ATP9B: variants seen among roughly 807,000 people sequenced by gnomAD.
ATP9B encodes the protein probable phospholipid-transporting ATPase IIB.
ATP9B carries 110 observed loss-of-function variants against 146.1 expected under a neutral mutation model. That is an observed-to-expected ratio of 0.75 (90% CI 0.65 to 0.88). ATP9B has a LOEUF of 0.88. ATP9B is among the 40% of genes least tolerant of loss of function. The pLI, the probability that ATP9B is intolerant of heterozygous loss-of-function variation, is 0.00. For synonymous variants in ATP9B, 604 were observed against 569.7 expected (o/e 1.06, Z -0.86); for missense variants, 1,499 against 1,496.4 (o/e 1.00, Z -0.03).
chr18:79,344,677 C>T (rs2096876616), intron 21 of ATP9B, among the ~76,000 whole-genome samples: 1 of 152,248 alleles, frequency 6.6e-6, no homozygotes, highest in Non-Finnish European at 1.5e-5. Flanking sequence ...AGCTGGATCA[C>T]AGCGATTGTT....
intron 12 of ATP9B, among the ~76,000 whole-genome samples, chr18:79,266,115 T>C (rs1351332287): frequency 6.6e-6 from 1 of 152,114 alleles, no homozygotes; most frequent in Non-Finnish European, 1.5e-5. Flanking sequence ...TAAAGAGTGT[T>C]TTAGGTCTTC....
intron 16 of ATP9B, 103 bp downstream of exon 16, chr18:79,329,405 G>GC: frequency 7.8e-7 from 1 of 1,274,624 alleles, no homozygotes; most frequent in Non-Finnish European, 1.0e-6. Context: ...TTACTCAGGT[G>GC]CTTTATGCTG....
Position 79,347,763 on chromosome 18 carries a change from C to G in ATP9B, c.2683-7C>G. On this transcript the variant is annotated splice_region_variant and splice_polypyrimidine_tract_variant and intron_variant, in intron 23 of 29. Transcript: ENST00000426216. ...GTTTGAAAAGGCCCCGTGTGCTTTT[C>G]TCTCAGGAGGGTAAACAGGCCTCGC... is the stretch of plus-strand genomic sequence containing the variant. The G allele has an allele frequency of 1.3e-6, 2 of 1,537,004 alleles. No individual in the cohort carries two copies. Among genetic ancestry groups the G allele is most frequent in the Non-Finnish European group, 1.8e-6 (2 of 1,142,352 alleles).
chr18:79,285,598 C>G (rs1458953107), intron 13 of ATP9B, among the ~76,000 whole-genome samples: 5 of 151,288 alleles, frequency 3.3e-5, no homozygotes, highest in Non-Finnish European at 5.9e-5. Context: ...GTTTCTTTTG[C>G]TCTGCAGAAG....
chr18:79,341,799 G>A (rs1600189499), intron 19 of ATP9B, among the ~76,000 whole-genome samples: 2 of 151,272 alleles, frequency 1.3e-5, no homozygotes, highest in African/African-American at 4.9e-5. Flanking sequence ...GTTGTGGTTG[G>A]ATGTGTGTAG....
At position 79,193,238 on chromosome 18, in the gene ATP9B, A is replaced by G. The variant is rs1448525105; in HGVS notation, c.929A>G (p.His310Arg). The G allele has an allele frequency of 6.2e-7, 1 of 1,611,380 alleles. No homozygotes were observed. Among genetic ancestry groups the G allele is most frequent in the Non-Finnish European group, 8.5e-7 (1 of 1,177,778 alleles). Residue 310 changes from histidine (H) to arginine (R), a missense_variant, in exon 9 of 30, where the codon CAC becomes CGC. Coordinates refer to ENST00000426216, the MANE Select transcript of ATP9B (RefSeq NM_198531.5). ...VYAQKPQMDI[H>R]SFEGTFTRED... The stretch of plus-strand genomic sequence containing the variant: ...GCTCAGAAACCACAAATGGACATTC[A>G]CAGTTTCGAAGGCACATTTACCAGG...
intron 4 of ATP9B, among the ~76,000 whole-genome samples, chr18:79,123,442 CTT>C (rs2094224564): frequency 1.3e-5 from 2 of 151,208 alleles, no homozygotes; most frequent in Admixed American, 1.3e-4. Flanking sequence ...AGTTGAAAGA[CTT>C]AATATTGTTA....
Position 79,376,214 on chromosome 18 carries a change from C to CACACACACACACACACAA in ATP9B, c.3307+789_3307+790insCACACACACACACACAAA. The CACACACACACACACACAA allele has an allele frequency of 1.1e-3, 933 of 883,336 alleles. 13 individuals carry two copies. The highest frequency in any genetic ancestry group is 0.01 in the Admixed American group (127 of 12,562). 54.7% of individuals were successfully genotyped at this position (883,336 alleles called of 1,614,324 possible). On this transcript the variant is annotated intron_variant, in intron 29 of 29. Coordinates refer to ENST00000426216, the MANE Select transcript of ATP9B (RefSeq NM_198531.5). ...ACACACACACACACACACACACACA[C>CACACACACACACACACAA]AAAACAAAACAAAAAAATGGCTAGC...
chr18:79,157,403 A>C (rs2094805226), intron 7 of ATP9B, among the ~76,000 whole-genome samples: 1 of 145,540 alleles, frequency 6.9e-6, no homozygotes. Flanking sequence ...TCTCAAAAAA[A>C]AAAAAAAAAA....
At position 79,277,102 on chromosome 18, in the gene ATP9B, G is replaced by A; in HGVS notation, c.1317G>A (p.Met439Ile). ...GCAAAGCGGTGTATGGATGGATGAT[G>A]ATGAAAGATGAGAACATCCCTGGCA... is the stretch of plus-strand genomic sequence containing the variant. ...DMGKAVYGWM[M>I]MKDENIPGTV... Residue 439 changes from methionine (M) to isoleucine (I), a missense_variant, in exon 13 of 30, where the codon ATG becomes ATA. Transcript: ENST00000426216. 6.2e-7 allele frequency: 1 copy of A among 1,614,212 alleles called. No homozygotes were observed. The highest frequency in any genetic ancestry group is 1.3e-5 in the African/African-American group (1 of 75,058).
rs1280019418 is a variant in ATP9B at position 79,116,951 on chromosome 18, AAAAAAG to A, written c.558+3601_558+3606del. ...AAAAAAAAAAAAATTAAAAAAAAAA[AAAAAAG>A]AAATAATGATTGATCACAAAGTCTA... On this transcript the variant is annotated intron_variant, in intron 4 of 29. Coordinates refer to ENST00000426216, the MANE Select transcript of ATP9B (RefSeq NM_198531.5). Among the ~76,000 whole-genome samples, 979 of 139,900 alleles carry A rather than the reference AAAAAAG, an allele frequency of 7.0e-3. 7 individuals carry two copies. The highest frequency in any genetic ancestry group is 0.033 in the South Asian group (126 of 3,832). 91.8% of individuals were successfully genotyped at this position (139,900 alleles called of 152,430 possible).
At chr18:79,322,965 TTAAATTA>T (rs1173829908) in intron 15 of ATP9B, among the ~76,000 whole-genome samples, 1 of 152,238 alleles carries the variant, frequency 6.6e-6, no homozygotes, top group African/African-American at 2.4e-5. Context: ...TTTTTAAATT[TTAAATTA>T]TTCTGGGTAC....
chr18:79,344,011 C>T (rs2096872667), intron 20 of ATP9B: 6 of 545,878 alleles, frequency 1.1e-5, no homozygotes, highest in Non-Finnish European at 1.3e-5. Context: ...CCACTGCATT[C>T]CTCACTATAC....
intron 9 of ATP9B, among the ~76,000 whole-genome samples, chr18:79,202,512 T>C (rs1180742086): frequency 6.6e-6 from 1 of 152,218 alleles, no homozygotes; most frequent in South Asian, 2.1e-4. Flanking sequence ...AAGTAGGGTA[T>C]GCTGTTGAGA....
At chr18:79,340,493 A>T (rs1395025372) in intron 19 of ATP9B, 2 of 152,236 alleles carry the variant, frequency 1.3e-5, no homozygotes, top group Admixed American at 6.5e-5. Context: ...CAAATCTTAG[A>T]CACTGAGAAG....
At chr18:79,202,232 C>A (rs1285017447) in intron 9 of ATP9B, among the ~76,000 whole-genome samples, 1 of 152,142 alleles carries the variant, frequency 6.6e-6, no homozygotes, top group Non-Finnish European at 1.5e-5. Context: ...ATTGTATAAC[C>A]TTTTTCATTA....
chr18:79,319,736 G>A (rs1462140615), intron 15 of ATP9B, among the ~76,000 whole-genome samples: 1 of 152,066 alleles, frequency 6.6e-6, no homozygotes, highest in Non-Finnish European at 1.5e-5. Context: ...TAGTTCCTCG[G>A]GATTAAACTG....
At chr18:79,109,410 T>C (rs2075856899) in intron 2 of ATP9B, among the ~76,000 whole-genome samples, 2 of 152,170 alleles carry the variant, frequency 1.3e-5, no homozygotes, top group Admixed American at 1.3e-4. Context: ...GTTGTGCTCC[T>C]GAAACCCAGA....
intron 11 of ATP9B, among the ~76,000 whole-genome samples, chr18:79,229,481 A>C (rs1214989847): frequency 2.0e-5 from 3 of 152,252 alleles, no homozygotes; most frequent in African/African-American, 7.2e-5. Context: ...CAGAATTTTC[A>C]TAATGGATCA....
Sources: allele counts gnomAD v4.1 joint callset (sites outside exome capture counted in the v4.1 genomes callset), GRCh38; gene constraint gnomAD v4.1.1; transcripts MANE v1.5; gene names NCBI Gene and HGNC (gene_info 2026-07-23, HGNC 2026-07-21).